TEX29: variants seen among roughly 807,000 people sequenced by gnomAD.
TEX29 encodes the protein testis expressed 29.
TEX29 carries 26 observed loss-of-function variants against 18.2 expected under a neutral mutation model. The observed-to-expected ratio is 1.43, with a 90% CI of 1.04 to 1.98. The LOEUF (loss-of-function observed/expected upper bound fraction) is 1.98. Ranked by LOEUF, TEX29 falls within the 30% of genes most tolerant of loss-of-function variation. The pLI, the probability that TEX29 is intolerant of heterozygous loss-of-function variation, is 0.00. For missense variants in TEX29, 177 were observed against 194.2 expected (o/e 0.91, Z 0.53); for synonymous variants, 83 against 78.5 (o/e 1.06, Z -0.31).
At chr13:111,324,427 G>A (rs1383064707) in intron 2 of TEX29, among the ~76,000 whole-genome samples, 1 of 152,226 alleles carries the variant, frequency 6.6e-6, no homozygotes, top group Non-Finnish European at 1.5e-5. Flanking sequence ...GGTCATGGCT[G>A]CTGAGTCTGC....
chr13:111,324,719 A>G (rs188533029), intron 2 of TEX29, among the ~76,000 whole-genome samples: 131 of 152,284 alleles, frequency 8.6e-4, no homozygotes, highest in African/African-American at 2.6e-3. Flanking sequence ...ATCATCAGCC[A>G]CGTTTAAAAC....
upstream of TEX29, among the ~76,000 whole-genome samples, chr13:111,319,497 G>C (rs1398568529): frequency 6.6e-6 from 1 of 152,112 alleles, no homozygotes; most frequent in Non-Finnish European, 1.5e-5. Flanking sequence ...CTTCCTGGGC[G>C]TGTCCCCTAG....
chr13:111,327,296 C>T (rs941621920), intron 2 of TEX29, among the ~76,000 whole-genome samples: 2 of 152,182 alleles, frequency 1.3e-5, no homozygotes, highest in African/African-American at 4.8e-5. Context: ...AGAAGGGGAA[C>T]CTGAAAGACT....
At chr13:111,333,740 A>G (rs2093685796) in intron 3 of TEX29, among the ~76,000 whole-genome samples, 1 of 151,260 alleles carries the variant, frequency 6.6e-6, no homozygotes, top group Non-Finnish European at 1.5e-5. Context: ...CAGAAGGCAA[A>G]GGTGAAGCAA....
intron 4 of TEX29, among the ~76,000 whole-genome samples, chr13:111,341,968 C>G (rs1254568701): frequency 6.6e-6 from 1 of 152,224 alleles, no homozygotes; most frequent in African/African-American, 2.4e-5. Flanking sequence ...GTCCCTGAAC[C>G]CAAGGCTGCC....
chr13:111,339,992 G>A (rs1010613589), intron 4 of TEX29, 60 bp downstream of exon 4: 35 of 1,512,322 alleles, frequency 2.3e-5, no homozygotes, highest in South Asian at 3.4e-5. Flanking sequence ...TCTCCTGGCC[G>A]CAGCTTCCTG....
chr13:111,320,971 G>A, intron 2 of TEX29, 23 bp downstream of exon 2: 1 of 1,539,322 alleles, frequency 6.5e-7, no homozygotes, highest in Non-Finnish European at 8.9e-7. Context: ...GGCGCCAGGG[G>A]GGCGGGTGGG....
intron 3 of TEX29, among the ~76,000 whole-genome samples, chr13:111,330,616 G>A (rs1471186331): frequency 1.3e-5 from 2 of 152,158 alleles, no homozygotes; most frequent in African/African-American, 4.8e-5. Flanking sequence ...ACCTTTTAAA[G>A]TATACAATTC....
intron 2 of TEX29, among the ~76,000 whole-genome samples, chr13:111,325,350 G>A (rs1595685563): frequency 1.3e-5 from 2 of 152,374 alleles, no homozygotes; most frequent in Admixed American, 6.5e-5. Context: ...GTGGTGTGGG[G>A]GGTGTGGAGG....
In TEX29 at chr13:111,344,092, C is replaced by A; in HGVS notation, c.425C>A (p.Thr142Lys). 1 of 1,612,190 alleles carries A rather than the reference C, an allele frequency of 6.2e-7. No homozygotes were observed. The highest frequency in any genetic ancestry group is 8.5e-7 in the Non-Finnish European group (1 of 1,178,798). Reference protein sequence around the residue: ...SDEDKDDVTGTITEAEETED With the variant: ...SDEDKDDVTGKITEAEETED The stretch of plus-strand genomic sequence containing the variant: ...TTTTCTAAAAATCTAGTAACAGGGA[C>A]AATAACAGAAGCCGAAGAAACTGAG... Residue 142 changes from threonine to lysine, a missense_variant, in exon 6 of 6, where the codon ACA becomes AAA. Coordinates refer to ENST00000283547, the MANE Select transcript of TEX29 (RefSeq NM_152324.3).
At chr13:111,322,191 C>T (rs1401509830) in intron 2 of TEX29, among the ~76,000 whole-genome samples, 1 of 152,246 alleles carries the variant, frequency 6.6e-6, no homozygotes, top group Middle Eastern at 3.2e-3. Flanking sequence ...ACCAGGGGGG[C>T]AGCTATCTCT....
intron 4 of TEX29, among the ~76,000 whole-genome samples, chr13:111,342,015 G>T (rs1250037579): frequency 6.6e-6 from 1 of 152,234 alleles, no homozygotes; most frequent in Non-Finnish European, 1.5e-5. Context: ...CCTCATTGCA[G>T]GGTGTCAGGG....
chr13:111,321,239 G>C (rs1482866012), intron 2 of TEX29, among the ~76,000 whole-genome samples: 1 of 152,248 alleles, frequency 6.6e-6, no homozygotes, highest in South Asian at 2.1e-4. Context: ...TTGTCCATGA[G>C]GCGCTGAAGA....
intron 3 of TEX29, among the ~76,000 whole-genome samples, chr13:111,335,231 A>G (rs895167569): frequency 2.0e-5 from 3 of 152,090 alleles, no homozygotes; most frequent in African/African-American, 7.2e-5. Context: ...GTACATAATC[A>G]GTTAGTGAGA....
chr13:111,324,171 C>T (rs957270366), intron 2 of TEX29, among the ~76,000 whole-genome samples: 1 of 152,194 alleles, frequency 6.6e-6, no homozygotes, highest in Admixed American at 6.5e-5. Context: ...TTCCTGTCAC[C>T]ACTGTACTCA....
chr13:111,328,330 G>A (rs539318267), intron 3 of TEX29, 37 bp downstream of exon 3: 14 of 1,476,068 alleles, frequency 9.5e-6, no homozygotes, highest in South Asian at 5.7e-5. Flanking sequence ...GGCGGAAGCC[G>A]AGGTAGCTGG....
intron 2 of TEX29, among the ~76,000 whole-genome samples, chr13:111,326,004 G>A (rs749695189): frequency 2.1e-4 from 32 of 152,322 alleles, no homozygotes; most frequent in Non-Finnish European, 2.4e-4. Context: ...TTCTCCTCCC[G>A]TGTCTGGGGA....
chr13:111,339,784 G>C, intron 3 of TEX29, 79 bp from the exon 4 acceptor site: 1 of 1,489,810 alleles, frequency 6.7e-7, no homozygotes, highest in Non-Finnish European at 9.4e-7. Context: ...ACCCGACTCT[G>C]GGAGGGTTGC....
In TEX29 at chr13:111,335,785, G is replaced by A. The variant is rs1333949440; in HGVS notation, c.170-4078G>A. Among the ~76,000 whole-genome samples the A allele has an allele frequency of 2.0e-5, 3 of 152,284 alleles. No individual in the cohort carries two copies. In the South Asian group the frequency reaches 6.2e-4, roughly 32 times the overall value. On this transcript the variant is annotated intron_variant, in intron 3 of 5. Coordinates refer to ENST00000283547, the MANE Select transcript of TEX29 (RefSeq NM_152324.3). ...CCCAATTTCCTCACATCCCAATGAAGCAGAGATCCAACCGTGTAAAGTGGT... is the reference window on the plus strand; with the variant it reads ...CCCAATTTCCTCACATCCCAATGAAACAGAGATCCAACCGTGTAAAGTGGT...
Sources: gnomAD v4.1 joint callset for allele counts (sites outside exome capture counted in the v4.1 genomes callset) on GRCh38, gnomAD v4.1.1 for gene constraint, MANE v1.5 for transcripts, NCBI Gene and HGNC (gene_info 2026-07-23, HGNC 2026-07-21) for gene names.